AGT: variants seen among roughly 807,000 people sequenced by gnomAD.
The protein encoded by AGT is alpha-1 antiproteinase, antitrypsin.
AGT carries 26 observed loss-of-function variants against 28.1 expected under a neutral mutation model. The ratio of observed to expected loss-of-function variants is 0.92; its 90% CI spans 0.68 to 1.28. The LOEUF (loss-of-function observed/expected upper bound fraction) is 1.28, where lower values mean the gene tolerates loss of function less well. Among genes scored for constraint, AGT ranks in the 50% most tolerant of loss-of-function variants. The pLI is 0.00. For synonymous variants in AGT, 259 were observed against 259.6 expected, an observed-to-expected ratio of 1.00 and a Z score of 0.02; for missense variants, 596 against 592.3, an observed-to-expected ratio of 1.01 and a Z score of -0.06.
chr1:230,738,933 A>G (rs971068950), intron 1 of AGT, among the ~76,000 whole-genome samples: 1 of 152,230 alleles, frequency 6.6e-6, no homozygotes, highest in Non-Finnish European at 1.5e-5. Flanking sequence ...CTTTTAAAAA[A>G]ATTACATCTC....
chr1:230,733,011 G>T (rs1269148089), intron 1 of AGT, among the ~76,000 whole-genome samples: 2 of 152,046 alleles, frequency 1.3e-5, no homozygotes, highest in African/African-American at 2.4e-5. Context: ...GCTGGTCTCG[G>T]TGGCTCACAC....
At chr1:230,723,887 G>A (rs1471924720) in intron 1 of AGT, among the ~76,000 whole-genome samples, 1 of 152,150 alleles carries the variant, frequency 6.6e-6, no homozygotes, top group Non-Finnish European at 1.5e-5. Context: ...TAACAGCTGT[G>A]ATCCTGAAAA....
intron 1 of AGT, among the ~76,000 whole-genome samples, chr1:230,738,572 C>T (rs752699883): frequency 2.0e-5 from 3 of 152,180 alleles, no homozygotes; most frequent in Non-Finnish European, 2.9e-5. Context: ...GCCATAAGCT[C>T]GAAAGAGACA....
At chr1:230,739,724 C>T (rs1310941715) in intron 1 of AGT, among the ~76,000 whole-genome samples, 1 of 152,146 alleles carries the variant, frequency 6.6e-6, no homozygotes, top group Admixed American at 6.5e-5. Context: ...AAGAAGATCC[C>T]AGAGAGCCAG....
chr1:230,713,501 C>T (rs1663652653), intron 1 of AGT, among the ~76,000 whole-genome samples: 1 of 152,226 alleles, frequency 6.6e-6, no homozygotes, highest in African/African-American at 2.4e-5. Flanking sequence ...GCTTAGAAAG[C>T]ACTTTCATGT....
intron 1 of AGT, among the ~76,000 whole-genome samples, chr1:230,731,593 C>A (rs6680826): frequency 1.3e-5 from 2 of 152,100 alleles, no homozygotes; most frequent in Non-Finnish European, 2.9e-5. Context: ...TGGCCAGACA[C>A]GATGGCTCAC....
At chr1:230,716,167 C>T (rs1013618874), upstream of AGT, among the ~76,000 whole-genome samples, 7 of 152,128 alleles carry the variant, frequency 4.6e-5, no homozygotes, top group South Asian at 2.1e-4. Context: ...GGATCTTCTA[C>T]GTAAGGCTTT....
intron 1 of AGT, among the ~76,000 whole-genome samples, chr1:230,738,343 C>G (rs1430566070): frequency 6.6e-6 from 1 of 152,172 alleles, no homozygotes; most frequent in Admixed American, 6.5e-5. Context: ...CCACGTTAAA[C>G]AAGAAATGAT....
At chr1:230,743,259 G>A (rs542313646) in intron 1 of AGT, among the ~76,000 whole-genome samples, 3 of 152,290 alleles carry the variant, frequency 2.0e-5, no homozygotes, top group African/African-American at 4.8e-5. Context: ...CCAAAGTGCT[G>A]GGATTACAGG....
In AGT at chr1:230,710,096, T is replaced by C. The variant is rs890841950; in HGVS notation, c.728A>G (p.Asp243Gly). ...TELDVAAEKI[D>G]RFMQAVTGWK... ...TCCTGTCACAGCCTGCATGAACCTGTCAATCTTCTCAGCAGCAACATCCAG... is the reference window on the plus strand; with the variant it reads ...TCCTGTCACAGCCTGCATGAACCTGCCAATCTTCTCAGCAGCAACATCCAG... The change falls in exon 2 of 5, where the codon GAC becomes GGC. Residue 243 changes from aspartate to glycine, a missense_variant. Coordinates refer to ENST00000366667, the MANE Select transcript of AGT (RefSeq NM_001384479.1). 1 of 1,614,034 alleles carries C rather than the reference T, an allele frequency of 6.2e-7. No individual in the cohort carries two copies. Among genetic ancestry groups the C allele is most frequent in the African/African-American group, 1.3e-5 (1 of 74,940 alleles).
chr1:230,723,292 T>C (rs1186283032), intron 1 of AGT, among the ~76,000 whole-genome samples: 3 of 152,158 alleles, frequency 2.0e-5, no homozygotes, highest in Non-Finnish European at 4.4e-5. Context: ...AATTACCAAG[T>C]CTCAGGTATT....
chr1:230,732,052 C>A (rs1357890252), intron 1 of AGT, among the ~76,000 whole-genome samples: 1 of 152,156 alleles, frequency 6.6e-6, no homozygotes, highest in Admixed American at 6.5e-5. Context: ...AACCCTATCT[C>A]ACCTTATTCC....
chr1:230,743,642 A>G (rs1040992744), intron 1 of AGT, among the ~76,000 whole-genome samples: 3 of 152,192 alleles, frequency 2.0e-5, no homozygotes, highest in African/African-American at 4.8e-5. Context: ...AGCCCATCAT[A>G]GGGCTGAGAT....
At chr1:230,733,326 C>T (rs982999205) in intron 1 of AGT, among the ~76,000 whole-genome samples, 2 of 152,000 alleles carry the variant, frequency 1.3e-5, no homozygotes, top group Non-Finnish European at 2.9e-5. Flanking sequence ...TTGCAAAATT[C>T]CTTTCTGATT....
chr1:230,713,296 A>C (rs2102793484), intron 1 of AGT, among the ~76,000 whole-genome samples: 1 of 152,302 alleles, frequency 6.6e-6, no homozygotes, highest in African/African-American at 2.4e-5. Context: ...ATCCTGGAGA[A>C]GTAGTTAATG....
In AGT at chr1:230,704,274, G is replaced by T. The variant is rs1431417043; in HGVS notation, c.1161C>A (p.Leu387=). The T allele has an allele frequency of 6.2e-7, 1 of 1,614,210 alleles. No homozygotes were observed. Among genetic ancestry groups the T allele is most frequent in the East Asian group, 2.2e-5 (1 of 44,880 alleles). Residue 387 remains leucine (L), a synonymous_variant, in exon 4 of 5, where the codon CTC becomes CTA. Coordinates refer to ENST00000366667, the MANE Select transcript of AGT (RefSeq NM_001384479.1). ...LQGSYDLQDL[L]AQAELPAILH... The stretch of plus-strand genomic sequence containing the variant: ...GAATGGCGGGCAGCTCAGCCTGGGC[G>T]AGCAGGTCCTGCAGGTCATAAGATC...
Position 230,710,896 on chromosome 1 carries a change from G to C in AGT, c.-30-43C>G, listed in dbSNP as rs770909473. The C allele has an allele frequency of 6.2e-5, 99 of 1,598,518 alleles. 2 individuals are homozygous for C. In the South Asian group the frequency reaches 1.1e-3, roughly 17 times the overall value. On this transcript the variant is annotated intron_variant, in intron 1 of 4. Coordinates refer to ENST00000366667, the MANE Select transcript of AGT (RefSeq NM_001384479.1). ...AAAGGGTGAAAGGTGGTTATTAACT[G>C]ACCTTTAAGTGCCATCTAACCAGAT...
At position 230,710,427 on chromosome 1, in the gene AGT, T is replaced by C. The variant is rs780044023; in HGVS notation, c.397A>G (p.Thr133Ala). 9 of 1,613,992 alleles carry C rather than the reference T, an allele frequency of 5.6e-6. No individual in the cohort carries two copies. Among genetic ancestry groups the C allele is most frequent in the Non-Finnish European group, 7.6e-6 (9 of 1,180,020 alleles). ...TVLSPTAVFG[T>A]LASLYLGALD... is the part of the protein sequence containing the mutation. ...GCTCCCAGATAGAGAGAGGCCAGGG[T>C]GCCAAAGACAGCCGTTGGGGAGAGG... is the stretch of plus-strand genomic sequence containing the variant. The change falls in exon 2 of 5, where the codon ACC becomes GCC. Residue 133 changes from threonine to alanine, a missense_variant. Physicochemically the swap from Thr to Ala is moderately conservative, Grantham distance 58. Transcript: ENST00000366667.
chr1:230,705,320 G>A (rs759028748), intron 3 of AGT, among the ~76,000 whole-genome samples: 20 of 152,240 alleles, frequency 1.3e-4, no homozygotes, highest in Non-Finnish European at 1.9e-4. Flanking sequence ...TCAAGCCATC[G>A]TGTCACTCAA....
Sources: gnomAD v4.1 joint callset for allele counts (sites outside exome capture counted in the v4.1 genomes callset) on GRCh38, gnomAD v4.1.1 for gene constraint, MANE v1.5 for transcripts, NCBI Gene and HGNC (gene_info 2026-07-23, HGNC 2026-07-21) for gene names.